The following ARID1A variants were observed in gnomAD, a reference collection of about 807,000 sequenced individuals.
ARID1A encodes the protein AT-rich interactive domain-containing protein 1A.
A neutral mutation model predicts 212.6 loss-of-function variants in ARID1A; 20 were observed. The ratio of observed to expected loss-of-function variants is 0.09; its 90% CI spans 0.07 to 0.14. The LOEUF is 0.14. Among genes scored for constraint, ARID1A ranks in the 10% least tolerant of loss-of-function variants. The pLI, the probability that ARID1A is intolerant of heterozygous loss-of-function variation, is 1.00. For synonymous variants in ARID1A, 1,376 were observed against 1,222.1 expected (o/e 1.13, Z -2.63); for missense variants, 2,587 against 3,059.0 (o/e 0.85, Z 3.64).
intron 1 of ARID1A, among the ~76,000 whole-genome samples, chr1:26,702,520 A>G (rs541523025): frequency 2.0e-5 from 3 of 152,346 alleles, no homozygotes; most frequent in Admixed American, 1.3e-4. Context: ...AGCTTTGTGT[A>G]AATACTTGCT....
At chr1:26,759,157 C>T (rs1297813611) in intron 4 of ARID1A, among the ~76,000 whole-genome samples, 3 of 152,172 alleles carry the variant, frequency 2.0e-5, no homozygotes, top group Admixed American at 6.6e-5. Flanking sequence ...CAACTTGGAT[C>T]TCCTCCTCCT....
rs1176102679 is a variant in ARID1A, at chr1:26,696,648, G to C, written c.245G>C (p.Gly82Ala). The change falls in exon 1 of 20, where the codon GGT (glycine) becomes GCT (alanine). Residue 82 changes from glycine to alanine, a missense_variant. By Grantham distance (60) the Gly-to-Ala change is moderately conservative (BLOSUM62 0). Transcript: ENST00000324856. ...ELQDGAESNG[G>A]GGGGGAGSGG... ...CAGGACGGGGCCGAGAGCAATGGGG[G>C]TGGCGGCGGCGGCGGAGCCGGCAGC... 4.6e-6 allele frequency: 6 copies of C among 1,310,874 alleles called. No homozygotes were observed. In the East Asian group the frequency reaches 1.2e-4, roughly 27 times the overall value. 81.2% of individuals were successfully genotyped at this position (1,310,874 alleles called of 1,614,324 possible).
intron 10 of ARID1A, among the ~76,000 whole-genome samples, chr1:26,767,548 A>G (rs1156996715): frequency 6.6e-6 from 1 of 152,188 alleles, no homozygotes; most frequent in African/African-American, 2.4e-5. Context: ...AATACCTAAT[A>G]TATAAAGGCA....
chr1:26,755,885 A>T (rs1278095694), intron 4 of ARID1A, among the ~76,000 whole-genome samples: 2 of 151,630 alleles, frequency 1.3e-5, no homozygotes, highest in Admixed American at 1.3e-4. Flanking sequence ...CTGGGACTGC[A>T]GGCACCTGCC....
At chr1:26,707,200 ATTTTTTTTT>A (rs751639614) in intron 1 of ARID1A, among the ~76,000 whole-genome samples, 14 of 102,612 alleles carry the variant, frequency 1.4e-4, no homozygotes, top group South Asian at 3.5e-4. Flanking sequence ...CGGCTGGCTA[ATTTTTTTTT>A]TTTTTTTTTT....
chr1:26,761,216 C>T, intron 5 of ARID1A, 120 bp downstream of exon 5: 1 of 1,496,374 alleles, frequency 6.7e-7, no homozygotes, highest in Non-Finnish European at 9.0e-7. Context: ...ATAGTTTCCC[C>T]TTAGCATTTG....
At chr1:26,766,391 G>C (rs769564412) in intron 9 of ARID1A, 25 bp downstream of exon 9, 1 of 1,613,972 alleles carries the variant, frequency 6.2e-7, no homozygotes, top group Non-Finnish European at 8.5e-7. Flanking sequence ...TTCTCACTAG[G>C]GATTTCTTCA....
rs2080432463 is a variant in ARID1A at position 26,709,799 on chromosome 1, A to G, written c.1137+12259A>G. 4.7e-5 allele frequency among the ~76,000 whole-genome samples: 7 copies of G among 149,690 alleles called. No individual in the cohort carries two copies. In the South Asian group the frequency reaches 1.5e-3, roughly 32 times the overall value. On this transcript the variant is annotated intron_variant, in intron 1 of 19. Transcript: ENST00000324856. ...TCCCAAGTAGCTGAGCTACAAGCAC[A>G]TGTCACTATGCCAGCTATCAGGGCT...
At chr1:26,736,866 C>T (rs2080736650) in intron 4 of ARID1A, among the ~76,000 whole-genome samples, 1 of 146,478 alleles carries the variant, frequency 6.8e-6, no homozygotes, top group Non-Finnish European at 1.5e-5. Flanking sequence ...CACGCCATTG[C>T]ACTCCAGCCT....
chr1:26,708,631 T>G (rs1208284836), intron 1 of ARID1A, among the ~76,000 whole-genome samples: 2 of 151,596 alleles, frequency 1.3e-5, no homozygotes, highest in Non-Finnish European at 2.9e-5. Context: ...ATTATGAAAG[T>G]ATATGCAGAG....
chr1:26,772,201 G>A (rs1329505015), intron 12 of ARID1A: 11 of 395,630 alleles, frequency 2.8e-5, no homozygotes, highest in African/African-American at 2.0e-4. Flanking sequence ...AGGTCCTTTG[G>A]CGGAGTGAAG....
Position 26,773,049 on chromosome 1 carries a change from G to A in ARID1A, c.3715+62G>A. On this transcript the variant is annotated intron_variant, in intron 14 of 19. Transcript: ENST00000324856. ...AAAGACAGGGCCAGTGAAATGGGGG[G>A]AAATCTTGAGAATGGCTCAGGGTTC... The A allele has an allele frequency of 1.3e-5, 20 of 1,555,332 alleles. No individual in the cohort carries two copies. The South Asian group carries it at 2.4e-4, about 19-fold the overall frequency.
rs2124141638 is a variant in ARID1A at position 26,779,570 on chromosome 1, C to A, written c.5672C>A (p.Thr1891Lys). The change falls in exon 20 of 20, where the codon ACA (threonine) becomes AAA (lysine). Residue 1891 changes from threonine (T) to lysine (K), a missense_variant. Thr to Lys is a moderately conservative substitution (Grantham distance 78). This residue lies in a region of ARID1A where 890 missense variants were observed against 1,098.2 expected (regional missense o/e 0.81). Coordinates refer to ENST00000324856, the MANE Select transcript of ARID1A (RefSeq NM_006015.6). Reference protein sequence around the residue: ...HVTTAEGTPGTTDQEGPPPDG... With the variant: ...HVTTAEGTPGKTDQEGPPPDG... The stretch of plus-strand genomic sequence containing the variant: ...ACAACAGCAGAGGGTACACCAGGGA[C>A]AACAGACCAGGAGGGGCCCCCACCT... 6.2e-7 allele frequency: 1 copy of A among 1,614,136 alleles called. No homozygotes were observed. The highest frequency in any genetic ancestry group is 8.5e-7 in the Non-Finnish European group (1 of 1,180,030).
intron 1 of ARID1A, among the ~76,000 whole-genome samples, chr1:26,709,626 C>G (rs1206700116): frequency 8.4e-6 from 1 of 118,508 alleles, no homozygotes; most frequent in Admixed American, 9.0e-5. Flanking sequence ...TACTGTAATG[C>G]TTTTTTTTTT....
chr1:26,697,115 A>G lies in ARID1A; in HGVS notation c.712A>G (p.Thr238Ala). 6.9e-7 allele frequency: 1 copy of G among 1,443,374 alleles called. No individual in the cohort carries two copies. Among genetic ancestry groups the G allele is most frequent in the Non-Finnish European group, 9.1e-7 (1 of 1,102,540 alleles). 89.4% of individuals were successfully genotyped at this position (1,443,374 alleles called of 1,614,324 possible). A position where few individuals can be genotyped will look rare whatever the true frequency, so the allele number is the denominator to read the frequency against. The part of the protein sequence containing the change: ...AYALSSPRGG[T>A]PGSGAAAAAG... ...CGCGCTGAGCTCCCCGAGAGGTGGCACTCCGGGCTCCGGCGCGGCGGCGGC... is the reference window on the plus strand; with the variant it reads ...CGCGCTGAGCTCCCCGAGAGGTGGCGCTCCGGGCTCCGGCGCGGCGGCGGC... Residue 238 changes from threonine to alanine, a missense_variant, in exon 1 of 20, where the codon ACT becomes GCT. Thr to Ala is a moderately conservative substitution (Grantham distance 58, BLOSUM62 0). Coordinates refer to ENST00000324856, the MANE Select transcript of ARID1A (RefSeq NM_006015.6).
At chr1:26,698,699 AT>A (rs1422622738) in intron 1 of ARID1A, among the ~76,000 whole-genome samples, 1 of 152,218 alleles carries the variant, frequency 6.6e-6, no homozygotes, top group Non-Finnish European at 1.5e-5. Context: ...GATGGTATAA[AT>A]GACTTCTTTG....
rs1355294489 is a variant in ARID1A at position 26,781,734 on chromosome 1, C to T, written c.*978C>T. 4.3e-6 allele frequency: 1 copy of T among 233,642 alleles called. No individual in the cohort carries two copies. Among genetic ancestry groups the T allele is most frequent in the Non-Finnish European group, 8.5e-6 (1 of 118,082 alleles). 14.5% of individuals were successfully genotyped at this position (233,642 alleles called of 1,614,324 possible). On this transcript the variant is annotated 3_prime_UTR_variant, in exon 20 of 20. Coordinates refer to ENST00000324856, the MANE Select transcript of ARID1A (RefSeq NM_006015.6). Reference sequence around the variant, plus strand: ...GTGACCTGCACAAAGCGAGACACAGCTATTTAATCTCTTGCCAGATATCGC... The same window carrying T: ...GTGACCTGCACAAAGCGAGACACAGTTATTTAATCTCTTGCCAGATATCGC...
At chr1:26,735,490 C>T (rs1045487581) in intron 4 of ARID1A, among the ~76,000 whole-genome samples, 3 of 152,172 alleles carry the variant, frequency 2.0e-5, no homozygotes, top group Non-Finnish European at 4.4e-5. Context: ...ACGGGTTTCA[C>T]CAGGTTGGCC....
In ARID1A at chr1:26,781,835, T is replaced by A; in HGVS notation, c.*1079T>A. 4.3e-6 allele frequency: 1 copy of A among 233,724 alleles called. No homozygotes were observed. Among genetic ancestry groups the A allele is most frequent in the African/African-American group, 2.2e-5 (1 of 45,470 alleles). 14.5% of individuals were successfully genotyped at this position (233,724 alleles called of 1,614,324 possible). A position where few individuals can be genotyped will look rare whatever the true frequency, so the allele number is the denominator to read the frequency against. On this transcript the variant is annotated 3_prime_UTR_variant, in exon 20 of 20. Transcript: ENST00000324856. Reference sequence around the variant, plus strand: ...CAGCAGCCAATCAACTTATAGTTTATTTTTTTCTGGGTTTTTGTTTTGTTT... The same window carrying A: ...CAGCAGCCAATCAACTTATAGTTTAATTTTTTCTGGGTTTTTGTTTTGTTT...
Sources: gnomAD v4.1 joint callset for allele counts (sites outside exome capture counted in the v4.1 genomes callset) on GRCh38, gnomAD v4.1.1 for gene constraint, gnomAD v4.1.1 regional missense constraint, MANE v1.5 for transcripts, NCBI Gene and HGNC (gene_info 2026-07-23, HGNC 2026-07-21) for gene names.